The following PCDHGA6 variants were observed in gnomAD, a reference collection of about 807,000 sequenced individuals.
The protein encoded by PCDHGA6 is protocadherin gamma subfamily A, 6, also known as protocadherin gamma-A6.
Under a neutral mutation model 60.6 loss-of-function variants are expected in PCDHGA6, and 41 were observed. The ratio of observed to expected loss-of-function variants is 0.68; its 90% CI spans 0.53 to 0.88. The LOEUF (loss-of-function observed/expected upper bound fraction) is 0.88. Among genes scored for constraint, PCDHGA6 ranks in the 40% least tolerant of loss-of-function variants. The pLI is 0.00. For synonymous variants in PCDHGA6, 594 were observed against 524.4 expected (o/e 1.13, Z -1.81); for missense variants, 1,312 against 1,203.0 (o/e 1.09, Z -1.34).
chr5:141,384,372 G>C, intron 1 of PCDHGA6: 1 of 1,613,854 alleles, frequency 6.2e-7, no homozygotes, highest in South Asian at 1.1e-5. Context: ...CTTATTCCTT[G>C]GCCGAAGACA....
chr5:141,430,404 A>C (rs1054341813), intron 1 of PCDHGA6, among the ~76,000 whole-genome samples: 1 of 152,000 alleles, frequency 6.6e-6, no homozygotes, highest in African/African-American at 2.4e-5. Context: ...AAAGCTCACT[A>C]AAGTTTCTAT....
intron 1 of PCDHGA6, among the ~76,000 whole-genome samples, chr5:141,465,159 A>C (rs1333891587): frequency 6.6e-6 from 1 of 151,952 alleles, no homozygotes; most frequent in East Asian, 1.9e-4. Flanking sequence ...AGGGACTCTA[A>C]ATGTTTATGA....
At chr5:141,390,466 G>C (rs753916175) in intron 1 of PCDHGA6, 7 of 711,916 alleles carry the variant, frequency 9.8e-6, no homozygotes, top group Admixed American at 3.0e-5. Context: ...AGGAGCAATT[G>C]TGTGGCCCAA....
At chr5:141,387,837 T>G (rs2091115137) in intron 1 of PCDHGA6, 1 of 1,597,490 alleles carries the variant, frequency 6.3e-7, no homozygotes, top group African/African-American at 1.3e-5. Flanking sequence ...AGGTTATTTG[T>G]AACCCGGCGT....
Position 141,431,732 on chromosome 5 carries a change from G to C in PCDHGA6, c.2424+55225G>C. 1 of 1,614,238 alleles carries C rather than the reference G, an allele frequency of 6.2e-7. No individual in the cohort carries two copies. Among genetic ancestry groups the C allele is most frequent in the Non-Finnish European group, 8.5e-7 (1 of 1,180,046 alleles). On this transcript the variant is annotated intron_variant, in intron 1 of 3. Coordinates refer to ENST00000517434, the MANE Select transcript of PCDHGA6 (RefSeq NM_018919.3). The surrounding 1 kb of genome is among the most constrained non-coding windows in gnomAD (Gnocchi z 4.8). ...GATGGAAGTGCAAGCAATGGATAAT[G>C]CAGGATATTCTGCGCGAGCCAAAGT...
In PCDHGA6 at chr5:141,374,486, A is replaced by C; in HGVS notation, c.403A>C (p.Lys135Gln). The change falls in exon 1 of 4, where the codon AAG becomes CAG. Residue 135 changes from lysine to glutamine, a missense_variant. Lys to Gln is a moderately conservative substitution (Grantham distance 53). Transcript: ENST00000517434. ...DINDNTPRFL[K>Q]EELEVKILEN... The stretch of plus-strand genomic sequence containing the variant: ...TAATGACAATACACCCCGATTCTTA[A>C]AGGAAGAATTGGAAGTGAAAATTCT... The C allele has an allele frequency of 6.2e-7, 1 of 1,611,570 alleles. No homozygotes were observed. The highest frequency in any genetic ancestry group is 8.5e-7 in the Non-Finnish European group (1 of 1,177,806).
intron 3 of PCDHGA6, among the ~76,000 whole-genome samples, chr5:141,508,989 G>A (rs900798347): frequency 1.3e-5 from 2 of 152,110 alleles, no homozygotes; most frequent in Non-Finnish European, 2.9e-5. Flanking sequence ...GGGGCCAGCT[G>A]GGGTAGGAGA....
At position 141,376,469 on chromosome 5, in the gene PCDHGA6, G is replaced by A; in HGVS notation, c.2386G>A (p.Asp796Asn). The stretch of plus-strand genomic sequence containing the variant: ...AAGCGAGCCTCTTCTGATAACTCAG[G>A]ATTTACTTGAAACGAAAGGAGAACC... ...EKSEPLLITQ[D>N]LLETKGEPRQ... is the part of the protein sequence containing the mutation. The change falls in exon 1 of 4, where the codon GAT becomes AAT. Residue 796 changes from aspartate to asparagine, a missense_variant. Transcript: ENST00000517434. The A allele has an allele frequency of 6.2e-7, 1 of 1,614,186 alleles. No homozygotes were observed. Among genetic ancestry groups the A allele is most frequent in the Non-Finnish European group, 8.5e-7 (1 of 1,180,028 alleles).
At chr5:141,501,290 TACAC>T (rs55762287) in intron 2 of PCDHGA6, among the ~76,000 whole-genome samples, 45,565 of 135,778 alleles carry the variant, frequency 0.34, 7,845 homozygotes, top group Non-Finnish European at 0.42. Flanking sequence ...TATTCCCTTA[TACAC>T]ACACACACAC....
chr5:141,510,880 G>T (rs373993657), intron 3 of PCDHGA6, 67 bp from the exon 4 acceptor site: 1 of 1,611,902 alleles, frequency 6.2e-7, no homozygotes. Context: ...AACTGCTGGG[G>T]ATATAAGACA....
intron 1 of PCDHGA6, among the ~76,000 whole-genome samples, chr5:141,492,685 C>T (rs919981996): frequency 1.3e-5 from 2 of 152,242 alleles, no homozygotes; most frequent in African/African-American, 2.4e-5. Context: ...CAAGGGTCGG[C>T]GACCCCTCAA....
At chr5:141,433,068 T>G (rs1296504554) in intron 1 of PCDHGA6, 1 of 1,613,900 alleles carries the variant, frequency 6.2e-7, no homozygotes, top group South Asian at 1.1e-5. Context: ...CACCTGATCT[T>G]CCCCCAGCCC....
At position 141,400,611 on chromosome 5, in the gene PCDHGA6, G is replaced by A. The variant is rs555600694; in HGVS notation, c.2424+24104G>A. The A allele has an allele frequency of 1.3e-5, 20 of 1,573,002 alleles. No homozygotes were observed. In the African/African-American group the frequency reaches 2.4e-4, roughly 19 times the overall value. On this transcript the variant is annotated intron_variant, in intron 1 of 3. Coordinates refer to ENST00000517434, the MANE Select transcript of PCDHGA6 (RefSeq NM_018919.3). The stretch of plus-strand genomic sequence containing the variant: ...ACTATCGTACATTTTCAAGTCCAAT[G>A]AGTTGTCTTAGGGAAGTCAGAGCTG...
intron 1 of PCDHGA6, chr5:141,385,006 G>T (rs762264055): frequency 1.2e-6 from 2 of 1,614,090 alleles, no homozygotes; most frequent in Admixed American, 3.3e-5. Flanking sequence ...AGTCTCCTGC[G>T]TCTTCCTAGC....
intron 1 of PCDHGA6, among the ~76,000 whole-genome samples, chr5:141,397,686 T>C (rs963267542): frequency 7.2e-5 from 11 of 152,372 alleles, no homozygotes; most frequent in Middle Eastern, 3.4e-3. Flanking sequence ...TGCAGGTTTG[T>C]ATAAAAACCC....
intron 1 of PCDHGA6, chr5:141,391,245 G>A (rs1324945676): frequency 6.6e-6 from 1 of 151,892 alleles, no homozygotes; most frequent in African/African-American, 2.4e-5. Flanking sequence ...GTATATCTAA[G>A]CAACTGCTTC....
At chr5:141,391,837 T>C (rs2092427916) in intron 1 of PCDHGA6, 1 of 152,236 alleles carries the variant, frequency 6.6e-6, no homozygotes, top group Non-Finnish European at 1.5e-5. Flanking sequence ...TTAGAATATA[T>C]GTAAAAGTCA....
At chr5:141,480,205 A>G (rs2099514310) in intron 1 of PCDHGA6, among the ~76,000 whole-genome samples, 1 of 151,108 alleles carries the variant, frequency 6.6e-6, no homozygotes, top group Admixed American at 6.6e-5. Flanking sequence ...GCAGTTCAAG[A>G]CCAGCCTGAG....
Position 141,390,510 on chromosome 5 carries a change from TAA to T in PCDHGA6, c.2424+14005_2424+14006del. The T allele has an allele frequency of 5.1e-6, 3 of 587,534 alleles. No homozygotes were observed. The South Asian group carries it at 6.4e-5, about 13-fold the overall frequency. 36.4% of individuals were successfully genotyped at this position (587,534 alleles called of 1,614,324 possible). A position where few individuals can be genotyped will look rare whatever the true frequency, so the allele number is the denominator to read the frequency against. The stretch of plus-strand genomic sequence containing the variant: ...TGTTTTTTAGCCAAGCTTAGATTTA[TAA>T]AGCAATGAGGGTGTGGTTTTAACCA... On this transcript the variant is annotated intron_variant, in intron 1 of 3. Transcript: ENST00000517434.
Sources: allele counts gnomAD v4.1 joint callset (sites outside exome capture counted in the v4.1 genomes callset), GRCh38; gene constraint gnomAD v4.1.1; non-coding constraint Gnocchi (gnomAD v3.1); transcripts MANE v1.5; gene names NCBI Gene and HGNC (gene_info 2026-07-23, HGNC 2026-07-21).